The following ELOVL5 variants were observed in gnomAD, a reference collection of about 807,000 sequenced individuals.
The protein encoded by ELOVL5 is very long chain fatty acid elongase 5.
ELOVL5 carries 8 observed loss-of-function variants against 38.6 expected under a neutral mutation model. The ratio of observed to expected loss-of-function variants is 0.21; its 90% CI spans 0.12 to 0.37. ELOVL5 has a LOEUF of 0.37. Among genes scored for constraint, ELOVL5 ranks in the 10% least tolerant of loss-of-function variants. The pLI is 1.00. For missense variants in ELOVL5, 280 were observed against 367.8 expected, an observed-to-expected ratio of 0.76 and a Z score of 1.95; for synonymous variants, 127 against 133.7, an observed-to-expected ratio of 0.95 and a Z score of 0.34.
intron 1 of ELOVL5, among the ~76,000 whole-genome samples, chr6:53,311,556 A>G (rs1365497158): frequency 2.6e-5 from 4 of 152,238 alleles, no homozygotes; most frequent in Non-Finnish European, 5.9e-5. Context: ...CATTATTTAT[A>G]ACAGTCAAAA....
At chr6:53,297,650 CTAATTTA>C (rs1767064613) in intron 1 of ELOVL5, among the ~76,000 whole-genome samples, 1 of 151,816 alleles carries the variant, frequency 6.6e-6, no homozygotes, top group African/African-American at 2.4e-5. Flanking sequence ...CTTACTTTGC[CTAATTTA>C]TAAAGTACAC....
intron 6 of ELOVL5, 50 bp from the exon 7 acceptor site, chr6:53,270,777 G>A: frequency 6.3e-7 from 1 of 1,599,448 alleles, no homozygotes; most frequent in Non-Finnish European, 8.5e-7. Context: ...CATGGACGAG[G>A]CCCCACACCA....
At position 53,348,828 on chromosome 6, in the gene ELOVL5, A is replaced by AG; in HGVS notation, c.-21dup. On this transcript the variant is annotated 5_prime_UTR_variant, in exon 1 of 8. Transcript: ENST00000304434. ...GCTGACGGCTTTACCTTTTAGCCCAAGGGGCGGCAGCAGCTTTGAGCAGCA... is the reference window on the plus strand; with the variant it reads ...GCTGACGGCTTTACCTTTTAGCCCAAGGGGGCGGCAGCAGCTTTGAGCAGCA... 1 of 457,172 alleles carries AG rather than the reference A, an allele frequency of 2.2e-6. No homozygotes were observed. The highest frequency in any genetic ancestry group is 1.5e-5 in the South Asian group (1 of 64,992). 28.3% of individuals were successfully genotyped at this position (457,172 alleles called of 1,614,324 possible).
chr6:53,274,215 T>A (rs906016180), intron 5 of ELOVL5, among the ~76,000 whole-genome samples: 1 of 148,316 alleles, frequency 6.7e-6, no homozygotes, highest in African/African-American at 2.6e-5. Context: ...GGTCAGTTAA[T>A]CCACCATCAT....
intron 2 of ELOVL5, among the ~76,000 whole-genome samples, chr6:53,292,741 A>G (rs1014962779): frequency 1.3e-5 from 2 of 152,238 alleles, no homozygotes; most frequent in Non-Finnish European, 2.9e-5. Context: ...CAGTGAGCTG[A>G]GATCGTACCA....
chr6:53,343,958 C>A (rs1409284245), intron 1 of ELOVL5, among the ~76,000 whole-genome samples: 1 of 152,158 alleles, frequency 6.6e-6, no homozygotes, highest in Admixed American at 6.5e-5. Flanking sequence ...CCTTTTCTCA[C>A]CAGGGAAAAG....
intron 1 of ELOVL5, among the ~76,000 whole-genome samples, chr6:53,319,270 C>CAAAAAAAAAAAAAAAAAAAAAA (rs59435925): frequency 4.0e-5 from 3 of 74,898 alleles, no homozygotes; most frequent in Non-Finnish European, 7.1e-5. Context: ...GACTCCATCT[C>CAAAAAAAAAAAAAAAAAAAAAA]AAAAAAAAAA....
intron 1 of ELOVL5, among the ~76,000 whole-genome samples, chr6:53,306,234 G>GCAAACACACACACCTCTTAAACATTC: frequency 7.4e-5 from 1 of 13,466 alleles, no homozygotes; most frequent in Non-Finnish European, 1.2e-4. Context: ...GGGGAGAGGG[G>GCAAACACACACACCTCTTAAACATTC]AGAGGGAGAG....
intron 7 of ELOVL5, among the ~76,000 whole-genome samples, chr6:53,269,499 T>A (rs373171370): frequency 2.6e-5 from 4 of 152,296 alleles, no homozygotes; most frequent in African/African-American, 9.6e-5. Context: ...AATCACAGGC[T>A]GCAACAGAAA....
At position 53,348,905 on chromosome 6, in the gene ELOVL5, A is replaced by T. The variant is rs767448086; in HGVS notation, c.-97T>A. The T allele has an allele frequency of 2.9e-5, 13 of 451,612 alleles. No individual in the cohort carries two copies. Among genetic ancestry groups the T allele is most frequent in the Non-Finnish European group, 5.8e-5 (13 of 224,898 alleles). 28.0% of individuals were successfully genotyped at this position (451,612 alleles called of 1,614,324 possible). ...CGGGTGGCAGCCGGCGCAGAGGCGG[A>T]TGTAGAAGGAGACACCGGTGGCTAG... On this transcript the variant is annotated 5_prime_UTR_variant, in exon 1 of 8. Transcript: ENST00000304434.
intron 2 of ELOVL5, 87 bp from the exon 3 acceptor site, chr6:53,292,050 A>G: frequency 1.3e-6 from 1 of 771,276 alleles, no homozygotes; most frequent in Non-Finnish European, 2.0e-6. Flanking sequence ...TGATGATATA[A>G]AAGTCACCTG....
At chr6:53,299,763 A>G (rs1439959390) in intron 1 of ELOVL5, among the ~76,000 whole-genome samples, 1 of 152,156 alleles carries the variant, frequency 6.6e-6, no homozygotes, top group Non-Finnish European at 1.5e-5. Context: ...ATCTTTATAA[A>G]ATGAAATGTG....
At chr6:53,296,503 A>G (rs990328033) in intron 1 of ELOVL5, among the ~76,000 whole-genome samples, 10 of 152,210 alleles carry the variant, frequency 6.6e-5, no homozygotes, top group Non-Finnish European at 8.8e-5. Flanking sequence ...TAGTTTTATT[A>G]TATCATATTT....
At chr6:53,275,392 A>C (rs1766073496) in intron 4 of ELOVL5, 131 bp from the exon 5 acceptor site, 2 of 831,548 alleles carry the variant, frequency 2.4e-6, no homozygotes, top group Non-Finnish European at 1.9e-6. Flanking sequence ...AAGAGCTCTT[A>C]ATGTCCATCA....
Position 53,281,978 on chromosome 6 carries a change from C to G in ELOVL5, c.247-5722G>C, listed in dbSNP as rs375006673. 9.2e-5 allele frequency among the ~76,000 whole-genome samples: 14 copies of G among 152,316 alleles called. No individual in the cohort carries two copies. In the South Asian group the frequency reaches 2.5e-3, roughly 27 times the overall value. On this transcript the variant is annotated intron_variant, in intron 3 of 7. Coordinates refer to ENST00000304434, the MANE Select transcript of ELOVL5 (RefSeq NM_021814.5). ...AGCCTGTCCTCAATCCAAACTGAAA[C>G]AGGTATGTCTGGCATTTTCCCTGAA...
chr6:53,304,427 C>A (rs1581954287), intron 1 of ELOVL5, among the ~76,000 whole-genome samples: 1 of 145,272 alleles, frequency 6.9e-6, no homozygotes, highest in South Asian at 2.2e-4. Flanking sequence ...CACACAAACA[C>A]ACACACCTCT....
At chr6:53,346,822 G>A (rs6458920) in intron 1 of ELOVL5, among the ~76,000 whole-genome samples, 20,610 of 152,134 alleles carry the variant, frequency 0.14, 1,628 homozygotes, top group African/African-American at 0.21. Context: ...TATGCAGGGA[G>A]CAAAAGAAGA....
intron 3 of ELOVL5, among the ~76,000 whole-genome samples, chr6:53,286,023 T>C (rs568315016): frequency 7.0e-4 from 106 of 152,326 alleles, no homozygotes; most frequent in African/African-American, 2.4e-3. Context: ...AAAAATGGTA[T>C]GACTTACTTT....
intron 3 of ELOVL5, chr6:53,287,843 T>G (rs1316937285): frequency 6.5e-7 from 1 of 1,533,380 alleles, no homozygotes; most frequent in Non-Finnish European, 8.7e-7. Context: ...CAAAGCCATG[T>G]GCACTGCACA....
Sources: gnomAD v4.1 joint callset for allele counts (sites outside exome capture counted in the v4.1 genomes callset) on GRCh38, gnomAD v4.1.1 for gene constraint, MANE v1.5 for transcripts, NCBI Gene and HGNC (gene_info 2026-07-23, HGNC 2026-07-21) for gene names.